Variants in SLC4A10 observed in about 807,000 individuals in gnomAD.
SLC4A10 encodes solute carrier family 4 member 10, also known as sodium-driven chloride bicarbonate exchanger.
Under a neutral mutation model 137.7 loss-of-function variants are expected in SLC4A10, and 42 were observed. The ratio of observed to expected loss-of-function variants is 0.30; its 90% CI spans 0.24 to 0.39. SLC4A10 has a LOEUF of 0.39. Among genes scored for constraint, SLC4A10 ranks in the 10% least tolerant of loss-of-function variants. SLC4A10 has a pLI of 1.00. For synonymous variants in SLC4A10, 474 were observed against 464.1 expected, an observed-to-expected ratio of 1.02 and a Z score of -0.27; for missense variants, 925 against 1,355.0, an observed-to-expected ratio of 0.68 and a Z score of 4.98.
chr2:161,673,720 T>C (rs1413353994), intron 1 of SLC4A10, among the ~76,000 whole-genome samples: 1 of 152,210 alleles, frequency 6.6e-6, no homozygotes, highest in Non-Finnish European at 1.5e-5. Flanking sequence ...CTGGGCACAG[T>C]GGCTTTCACT....
chr2:161,636,477 C>G (rs926955166), intron 1 of SLC4A10, among the ~76,000 whole-genome samples: 2 of 152,138 alleles, frequency 1.3e-5, no homozygotes, highest in African/African-American at 4.8e-5. Context: ...TCACTGCAAC[C>G]TCCAACTCCT....
intron 15 of SLC4A10, among the ~76,000 whole-genome samples, chr2:161,940,306 C>G (rs1322500963): frequency 2.0e-5 from 3 of 152,150 alleles, no homozygotes; most frequent in East Asian, 3.9e-4. Context: ...TTTCTTGTCT[C>G]CCTTCACCCT....
intron 23 of SLC4A10, among the ~76,000 whole-genome samples, chr2:161,971,577 T>G (rs1312572202): frequency 6.6e-6 from 1 of 152,228 alleles, no homozygotes; most frequent in Non-Finnish European, 1.5e-5. Flanking sequence ...AGCTTTATGC[T>G]CTCGCTGTCT....
chr2:161,977,244 G>A, intron 25 of SLC4A10: 1 of 341,676 alleles, frequency 2.9e-6, no homozygotes, highest in South Asian at 2.7e-5. Flanking sequence ...GATATGCACT[G>A]TGTGTATTTT....
intron 5 of SLC4A10, among the ~76,000 whole-genome samples, chr2:161,861,330 T>C (rs2060422936): frequency 6.6e-6 from 1 of 152,122 alleles, no homozygotes; most frequent in South Asian, 2.1e-4. Flanking sequence ...AAAAACAATA[T>C]ATTTCTCACT....
At chr2:161,899,172 G>A (rs2063832049) in intron 11 of SLC4A10, among the ~76,000 whole-genome samples, 1 of 152,036 alleles carries the variant, frequency 6.6e-6, no homozygotes, top group Non-Finnish European at 1.5e-5. Flanking sequence ...CTACTCAAGA[G>A]CACAACTCTA....
At chr2:161,662,676 A>C (rs2038578384) in intron 1 of SLC4A10, among the ~76,000 whole-genome samples, 1 of 152,144 alleles carries the variant, frequency 6.6e-6, no homozygotes, top group South Asian at 2.1e-4. Context: ...GGATCTTTGA[A>C]AGTCATATGC....
chr2:161,778,822 G>A (rs1039307882), intron 2 of SLC4A10, among the ~76,000 whole-genome samples: 18 of 151,846 alleles, frequency 1.2e-4, no homozygotes, highest in African/African-American at 4.4e-4. Context: ...TAAGTCAAAA[G>A]CTTAGTGGAG....
chr2:161,753,015 T>G (rs2049159639), intron 1 of SLC4A10, among the ~76,000 whole-genome samples: 1 of 152,122 alleles, frequency 6.6e-6, no homozygotes, highest in African/African-American at 2.4e-5. Context: ...GCTATAAATA[T>G]ATACAATTAT....
At chr2:161,787,027 A>C (rs1414444002) in intron 2 of SLC4A10, among the ~76,000 whole-genome samples, 3 of 152,050 alleles carry the variant, frequency 2.0e-5, no homozygotes, top group Non-Finnish European at 4.4e-5. Context: ...TTATGACATA[A>C]AAGAGTATAC....
chr2:161,835,672 C>T (rs973512139), intron 3 of SLC4A10, among the ~76,000 whole-genome samples: 2 of 152,154 alleles, frequency 1.3e-5, no homozygotes, highest in African/African-American at 4.8e-5. Context: ...TCTTCTTTAG[C>T]CTCAGTTCAT....
chr2:161,806,457 C>T (rs1479963866), intron 3 of SLC4A10, among the ~76,000 whole-genome samples: 2 of 152,122 alleles, frequency 1.3e-5, no homozygotes, highest in Non-Finnish European at 2.9e-5. Context: ...TTATCCTTTG[C>T]TTCCTTTATA....
intron 1 of SLC4A10, among the ~76,000 whole-genome samples, chr2:161,672,084 G>C (rs1224823443): frequency 6.6e-6 from 1 of 152,054 alleles, no homozygotes; most frequent in Non-Finnish European, 1.5e-5. Flanking sequence ...AAGCACGTAG[G>C]GTACATGGTG....
Position 161,905,873 on chromosome 2 carries a change from G to T in SLC4A10, c.1983G>T (p.Leu661=), listed in dbSNP as rs1684229303. ...YPINMHNDLE[L]LTQYSCNCVE... ...TCAACATGCATAATGATCTGGAACT[G>T]CTGACACAATACTCGTAAGTACCAT... Residue 661 remains leucine (L), a synonymous_variant, in exon 15 of 27, where the codon CTG becomes CTT. Transcript: ENST00000446997. 22 of 1,610,538 alleles carry T rather than the reference G, an allele frequency of 1.4e-5. No homozygotes were observed. The highest frequency in any genetic ancestry group is 1.9e-5 in the Non-Finnish European group (22 of 1,178,108).
intron 1 of SLC4A10, among the ~76,000 whole-genome samples, chr2:161,689,012 T>A (rs959481890): frequency 6.6e-6 from 1 of 152,058 alleles, no homozygotes; most frequent in African/African-American, 2.4e-5. Flanking sequence ...CAAAAATTTT[T>A]AAAAATAGAT....
chr2:161,931,993 T>G (rs1172138368), intron 15 of SLC4A10, among the ~76,000 whole-genome samples: 1 of 152,236 alleles, frequency 6.6e-6, no homozygotes, highest in Non-Finnish European at 1.5e-5. Flanking sequence ...GCAAGAAATT[T>G]GCCATATTTT....
intron 1 of SLC4A10, among the ~76,000 whole-genome samples, chr2:161,683,279 G>C (rs1455254953): frequency 6.6e-6 from 1 of 152,136 alleles, no homozygotes; most frequent in Non-Finnish European, 1.5e-5. Context: ...TAGTTTACTA[G>C]CCCTTAGCAC....
Position 161,656,994 on chromosome 2 carries a change from A to T in SLC4A10, c.48+32428A>T, listed in dbSNP as rs183075711. On this transcript the variant is annotated intron_variant, in intron 1 of 26. Transcript: ENST00000446997. ...GATTTATAATTTGTTAGATTCTGAG[A>T]TGTAATATTTCAGGTGATATTCAAG... Among the ~76,000 whole-genome samples the T allele has an allele frequency of 2.6e-5, 4 of 152,228 alleles. No homozygotes were observed. The South Asian group carries it at 8.3e-4, about 32-fold the overall frequency.
chr2:161,896,883 C>T (rs939384259), intron 11 of SLC4A10, among the ~76,000 whole-genome samples: 3 of 151,942 alleles, frequency 2.0e-5, no homozygotes, highest in African/African-American at 7.2e-5. Flanking sequence ...ACATATTATC[C>T]AAGAGGAATA....
Sources: gnomAD v4.1 joint callset for allele counts (sites outside exome capture counted in the v4.1 genomes callset) on GRCh38, gnomAD v4.1.1 for gene constraint, MANE v1.5 for transcripts, NCBI Gene and HGNC (gene_info 2026-07-23, HGNC 2026-07-21) for gene names.